The following COL5A2 variants were observed in gnomAD, a reference collection of about 807,000 sequenced individuals.
COL5A2 encodes the protein collagen type V alpha 2 chain.
Under a neutral mutation model 208.2 loss-of-function variants are expected in COL5A2, and 23 were observed. That is an observed-to-expected ratio of 0.11 (90% CI 0.08 to 0.16). The LOEUF (loss-of-function observed/expected upper bound fraction) is 0.16. COL5A2 is among the 10% of genes least tolerant of loss of function. The pLI, the probability that COL5A2 is intolerant of heterozygous loss-of-function variation, is 1.00. For synonymous variants in COL5A2, 625 were observed against 628.5 expected (o/e 0.99, Z 0.08); for missense variants, 1,590 against 1,956.4 (o/e 0.81, Z 3.53).
the COL5A2 span, among the ~76,000 whole-genome samples, chr2:189,390,356 G>T: frequency 6.6e-6 from 1 of 152,074 alleles, no homozygotes; most frequent in African/African-American, 2.4e-5. Context: ...ACAAAAAGAG[G>T]TCTAATAAAT....
chr2:189,073,468 T>C (rs1190127326), intron 17 of COL5A2, among the ~76,000 whole-genome samples: 3 of 152,186 alleles, frequency 2.0e-5, no homozygotes, highest in African/African-American at 7.2e-5. Flanking sequence ...AAATCATCTG[T>C]AGAGCTTTAA....
At chr2:189,068,420 G>C in intron 19 of COL5A2, 150 bp from the exon 20 acceptor site, 1 of 716,246 alleles carries the variant, frequency 1.4e-6, no homozygotes, top group Admixed American at 2.3e-5. Context: ...TTACTTTTTT[G>C]ACTACTTCTC....
chr2:189,240,385 A>G, the COL5A2 span, among the ~76,000 whole-genome samples: 19 of 152,196 alleles, frequency 1.2e-4, no homozygotes, highest in African/African-American at 4.3e-4. Flanking sequence ...TAAGGGCATG[A>G]ATTCCATCAT....
At chr2:189,110,913 T>A (rs1308645632) in intron 1 of COL5A2, among the ~76,000 whole-genome samples, 1 of 152,188 alleles carries the variant, frequency 6.6e-6, no homozygotes, top group African/African-American at 2.4e-5. Flanking sequence ...TATGTTTTCA[T>A]GTACCATAGA....
rs540402408 is a variant in COL5A2 at position 189,184,914 on chromosome 2, G to T, written c.-42+40234C>A. Among the ~76,000 whole-genome samples the T allele has an allele frequency of 1.6e-4, 24 of 152,168 alleles. 1 individual carries two copies. In the South Asian group the frequency reaches 3.7e-3, roughly 24 times the overall value. On this transcript the variant is annotated intron_variant, in intron 1 of 10. Transcript: ENST00000649966. Reference sequence around the variant, plus strand: ...AGCATGATATAAGATTAGACACGAGGTTTATCATTAATTCCTTGTCGGTCA... The same window carrying T: ...AGCATGATATAAGATTAGACACGAGTTTTATCATTAATTCCTTGTCGGTCA...
intron 31 of COL5A2, among the ~76,000 whole-genome samples, chr2:189,059,403 AGTTT>A (rs1424389804): frequency 6.6e-6 from 1 of 151,912 alleles, no homozygotes; most frequent in East Asian, 1.9e-4. Context: ...CTAAATTAAA[AGTTT>A]GTTTGTTCTT....
chr2:189,163,030 G>A (rs1045475666), intron 1 of COL5A2, among the ~76,000 whole-genome samples: 3 of 152,044 alleles, frequency 2.0e-5, no homozygotes, highest in African/African-American at 7.2e-5. Context: ...AGAAAAATAA[G>A]AAGTCAAGAA....
At chr2:189,353,458 T>C in the COL5A2 span, among the ~76,000 whole-genome samples, 1,903 of 152,310 alleles carry the variant, frequency 0.012, 20 homozygotes, top group Admixed American at 0.025. Flanking sequence ...TGTCCTCTCT[T>C]ATTTCCTTGA....
the COL5A2 span, among the ~76,000 whole-genome samples, chr2:189,337,434 G>T: frequency 2.6e-5 from 4 of 151,930 alleles, no homozygotes; most frequent in African/African-American, 7.2e-5. Flanking sequence ...CGCCCGCCTC[G>T]GCCTCCCAAA....
chr2:189,186,235 A>G (rs1688849993), intron 1 of COL5A2, among the ~76,000 whole-genome samples: 1 of 151,868 alleles, frequency 6.6e-6, no homozygotes, highest in Admixed American at 6.6e-5. Flanking sequence ...GGGCTCAAAC[A>G]ATCCTCCTGC....
intron 30 of COL5A2, among the ~76,000 whole-genome samples, chr2:189,061,327 ATTTT>A (rs1686027750): frequency 6.6e-6 from 1 of 151,804 alleles, no homozygotes; most frequent in Non-Finnish European, 1.5e-5. Flanking sequence ...CTTTTTTGTT[ATTTT>A]TTATTTGTTT....
chr2:189,056,600 G>A (rs1685906515), intron 35 of COL5A2, among the ~76,000 whole-genome samples: 2 of 151,934 alleles, frequency 1.3e-5, no homozygotes, highest in South Asian at 4.1e-4. Flanking sequence ...CACAACTTTG[G>A]TGACTCCACA....
chr2:189,407,033 T>G, the COL5A2 span, among the ~76,000 whole-genome samples: 1 of 152,254 alleles, frequency 6.6e-6, no homozygotes, highest in East Asian at 1.9e-4. Context: ...ATGTATTAAC[T>G]TATACTGTCT....
At chr2:189,243,097 A>C in the COL5A2 span, among the ~76,000 whole-genome samples, 1 of 152,202 alleles carries the variant, frequency 6.6e-6, no homozygotes, top group Non-Finnish European at 1.5e-5. Context: ...CAAAGAAAAG[A>C]GCAGCTTAGG....
chr2:189,351,226 A>G, the COL5A2 span, among the ~76,000 whole-genome samples: 1 of 152,212 alleles, frequency 6.6e-6, no homozygotes, highest in African/African-American at 2.4e-5. Flanking sequence ...AGGCCTTAAC[A>G]TCTATACAAA....
intron 1 of COL5A2, among the ~76,000 whole-genome samples, chr2:189,173,185 G>A (rs1400058165): frequency 6.6e-6 from 1 of 151,730 alleles, no homozygotes; most frequent in Non-Finnish European, 1.5e-5. Flanking sequence ...TGATGGCCAG[G>A]CTGGTCTCAA....
At chr2:189,064,128 A>G (rs1169011533) in intron 25 of COL5A2, 95 bp from the exon 26 acceptor site, 9 of 945,902 alleles carry the variant, frequency 9.5e-6, no homozygotes, top group Non-Finnish European at 1.5e-5. Context: ...TTGTCAACTG[A>G]ATAGAATGAC....
intron 1 of COL5A2, among the ~76,000 whole-genome samples, chr2:189,165,408 T>C (rs917662722): frequency 2.0e-5 from 3 of 152,224 alleles, no homozygotes; most frequent in Non-Finnish European, 4.4e-5. Context: ...TCCCCAATTT[T>C]GTCCCAGGTG....
intron 1 of COL5A2, among the ~76,000 whole-genome samples, chr2:189,193,126 A>C (rs1434633973): frequency 6.6e-6 from 1 of 152,178 alleles, no homozygotes; most frequent in Non-Finnish European, 1.5e-5. Flanking sequence ...ATGCCAATAA[A>C]TTTCTGTTCA....
Sources: allele counts gnomAD v4.1 joint callset (sites outside exome capture counted in the v4.1 genomes callset), GRCh38; gene constraint gnomAD v4.1.1; transcripts MANE v1.5; gene names NCBI Gene and HGNC (gene_info 2026-07-23, HGNC 2026-07-21).